Variants in ADD2 observed in about 807,000 individuals in gnomAD.
ADD2 encodes the protein beta-adducin.
In ADD2, 23 loss-of-function variants were observed where a neutral mutation model predicts 83.0. That is an observed-to-expected ratio of 0.28 (90% CI 0.20 to 0.39). ADD2 has a LOEUF of 0.39. Among genes scored for constraint, ADD2 ranks in the 10% least tolerant of loss-of-function variants. The pLI is 1.00. For synonymous variants in ADD2, 375 were observed against 375.4 expected (o/e 1.00, Z 0.01); for missense variants, 758 against 944.9 (o/e 0.80, Z 2.59).
At chr2:70,664,773 G>C (rs1158651559) in intron 15 of ADD2, among the ~76,000 whole-genome samples, 237 of 149,580 alleles carry the variant, frequency 1.6e-3, no homozygotes, top group African/African-American at 5.6e-3. Context: ...GTGCAAGTGT[G>C]AGTGGGCAGG....
chr2:70,714,134 G>A (rs1473431464), intron 1 of ADD2, among the ~76,000 whole-genome samples: 2 of 152,064 alleles, frequency 1.3e-5, no homozygotes, highest in Admixed American at 1.3e-4. Flanking sequence ...TAGGAATCAA[G>A]GTCTTCAAAG....
In ADD2 at chr2:70,768,078, G is replaced by T. The variant is rs1446610812; in HGVS notation, c.-346C>A. The T allele has an allele frequency of 8.4e-7, 1 of 1,194,894 alleles. No homozygotes were observed. The highest frequency in any genetic ancestry group is 1.5e-5 in the African/African-American group (1 of 65,094). The allele number at this position is 1,194,894 out of a possible 1,614,324, so 74.0% of individuals were successfully genotyped here. On this transcript the variant is annotated 5_prime_UTR_variant, in exon 1 of 16. Coordinates refer to ENST00000264436, the MANE Select transcript of ADD2 (RefSeq NM_001617.4). ...CCCAGCAGTGCAGCGGCTCCGCGGC[G>T]GCGGGGATGACTGGCCACCGACGCC...
Position 70,678,948 on chromosome 2 carries a change from C to T in ADD2, c.1139G>A (p.Gly380Asp). 2.5e-6 allele frequency: 4 copies of T among 1,612,394 alleles called. No homozygotes were observed. Among genetic ancestry groups the T allele is most frequent in the Non-Finnish European group, 3.4e-6 (4 of 1,179,214 alleles). The change falls in exon 11 of 16, where the codon GGT (glycine) becomes GAT (aspartate). Residue 380 changes from glycine to aspartate, a missense_variant. Gly to Asp is a moderately conservative substitution (Grantham distance 94). This residue lies in a region of ADD2 where 394 missense variants were observed against 509.3 expected (regional missense o/e 0.77). Transcript: ENST00000264436. The part of the protein sequence containing the change: ...RMLDNLGYRT[G>D]YTYRHPFVQE... The stretch of plus-strand genomic sequence containing the variant: ...AACAAAGGGGTGGCGATACGTGTAA[C>T]CTGTTCTGTAGCCCTATAAAGGACA...
At chr2:70,712,568 C>T (rs1389323279) in intron 2 of ADD2, among the ~76,000 whole-genome samples, 1 of 152,114 alleles carries the variant, frequency 6.6e-6, no homozygotes, top group Non-Finnish European at 1.5e-5. Flanking sequence ...TCTAGCCCCA[C>T]ATCCTGCAGT....
At chr2:70,684,605 G>T (rs1475699150) in intron 9 of ADD2, among the ~76,000 whole-genome samples, 1 of 152,218 alleles carries the variant, frequency 6.6e-6, no homozygotes, top group Non-Finnish European at 1.5e-5. Context: ...CCAAGCCAAT[G>T]AAATTTATTT....
chr2:70,707,705 T>A (rs1174657794), intron 2 of ADD2, among the ~76,000 whole-genome samples: 2 of 152,252 alleles, frequency 1.3e-5, no homozygotes, highest in African/African-American at 4.8e-5. Flanking sequence ...GCATGTACTT[T>A]GGCTGAACAA....
chr2:70,696,502 T>C, intron 4 of ADD2, 106 bp from the exon 5 acceptor site: 2 of 1,449,374 alleles, frequency 1.4e-6, no homozygotes, highest in Non-Finnish European at 1.9e-6. Flanking sequence ...CACAGGAGAC[T>C]TCCCCAGGCA....
Position 70,716,994 on chromosome 2 carries a change from C to T in ADD2, c.-153-3810G>A, listed in dbSNP as rs1326434943. On this transcript the variant is annotated intron_variant, in intron 1 of 15. Coordinates refer to ENST00000264436, the MANE Select transcript of ADD2 (RefSeq NM_001617.4). Reference sequence around the variant, plus strand: ...ACCATGCATCACACACAACAACCTCCTTGGCTCTCCCATGTTCAGCCCTGC... The same window carrying T: ...ACCATGCATCACACACAACAACCTCTTTGGCTCTCCCATGTTCAGCCCTGC... Among the ~76,000 whole-genome samples, 5 of 152,130 alleles carry T rather than the reference C, an allele frequency of 3.3e-5. No individual in the cohort carries two copies. The East Asian group carries it at 9.6e-4, about 29-fold the overall frequency.
At chr2:70,686,076 C>T (rs1553370484) in intron 9 of ADD2, among the ~76,000 whole-genome samples, 1 of 152,224 alleles carries the variant, frequency 6.6e-6, no homozygotes. Flanking sequence ...AGGAAGAAAA[C>T]TTGGCCCACA....
At chr2:70,737,361 G>A (rs1673625647) in intron 1 of ADD2, among the ~76,000 whole-genome samples, 1 of 152,156 alleles carries the variant, frequency 6.6e-6, no homozygotes, top group Non-Finnish European at 1.5e-5. Context: ...TTAAGAAAAT[G>A]TGGCACATAT....
chr2:70,683,700 G>A lies in ADD2; in HGVS notation c.1016C>T (p.Pro339Leu). 6.2e-7 allele frequency: 1 copy of A among 1,614,152 alleles called. No individual in the cohort carries two copies. The highest frequency in any genetic ancestry group is 1.1e-5 in the South Asian group (1 of 91,076). Residue 339 changes from proline (P) to leucine (L), a missense_variant, in exon 10 of 16, where the codon CCC becomes CTC. Pro to Leu is a moderately conservative substitution (Grantham distance 98). Coordinates refer to ENST00000264436, the MANE Select transcript of ADD2 (RefSeq NM_001617.4). ...LILLEQEKHRPHEVGSVQWAG... is the reference protein window; with the variant it reads ...LILLEQEKHRLHEVGSVQWAG... ...CCACTGCACGGAGCCCACCTCATGG[G>A]GCCGGTGCTTCTCCTGCTCCAGGAG... is the stretch of plus-strand genomic sequence containing the variant.
chr2:70,698,959 G>A (rs914279703), intron 4 of ADD2, among the ~76,000 whole-genome samples: 7 of 152,058 alleles, frequency 4.6e-5, no homozygotes, highest in Non-Finnish European at 4.4e-5. Flanking sequence ...ACCTATCTGG[G>A]CTTGAACTCT....
intron 4 of ADD2, 31 bp downstream of exon 4, chr2:70,704,290 T>G: frequency 1.9e-6 from 1 of 538,322 alleles, no homozygotes; most frequent in Non-Finnish European, 3.2e-6. Flanking sequence ...CCTCCACCTC[T>G]GCTCCTGGCA....
chr2:70,745,241 A>T (rs1430409222), intron 1 of ADD2, among the ~76,000 whole-genome samples: 1 of 152,092 alleles, frequency 6.6e-6, no homozygotes, highest in Non-Finnish European at 1.5e-5. Flanking sequence ...GGCCGAGATC[A>T]TGCCACTGCA....
intron 1 of ADD2, among the ~76,000 whole-genome samples, chr2:70,731,554 G>A (rs781963724): frequency 6.6e-6 from 1 of 152,164 alleles, no homozygotes; most frequent in African/African-American, 2.4e-5. Flanking sequence ...CATATCCCCA[G>A]CACCCAGAAT....
In ADD2 at chr2:70,663,335, C is replaced by G. The variant is rs575957236; in HGVS notation, c.*90G>C. ...TGTGGTCCAGGGTCCTACTCTATCC[C>G]TCCTTAGCCCTGTGCTTGCAGGGAC... On this transcript the variant is annotated 3_prime_UTR_variant, in exon 16 of 16. Transcript: ENST00000264436. 7.1e-6 allele frequency: 10 copies of G among 1,416,746 alleles called. No individual in the cohort carries two copies. The South Asian group carries it at 1.3e-4, about 19-fold the overall frequency. The allele number at this position is 1,416,746 out of a possible 1,614,324, so 87.8% of individuals were successfully genotyped here. A position where few individuals can be genotyped will look rare whatever the true frequency, so the allele number is the denominator to read the frequency against.
chr2:70,763,919 G>A (rs998341132), intron 1 of ADD2, among the ~76,000 whole-genome samples: 4 of 150,266 alleles, frequency 2.7e-5, no homozygotes, highest in South Asian at 2.1e-4. Context: ...TTGGAGTCTC[G>A]CTCTGTTGCC....
At chr2:70,762,957 C>T (rs1291011040) in intron 1 of ADD2, among the ~76,000 whole-genome samples, 2 of 151,774 alleles carry the variant, frequency 1.3e-5, no homozygotes, top group East Asian at 1.9e-4. Context: ...CCACCTGCCT[C>T]GGCCTCCCAA....
chr2:70,761,523 A>G (rs1196728494), intron 1 of ADD2, among the ~76,000 whole-genome samples: 2 of 148,210 alleles, frequency 1.3e-5, no homozygotes, highest in African/African-American at 5.0e-5. Context: ...CACAAGAATC[A>G]CTTGAACCCA....
Sources: gnomAD v4.1 joint callset for allele counts (sites outside exome capture counted in the v4.1 genomes callset) on GRCh38, gnomAD v4.1.1 for gene constraint, gnomAD v4.1.1 regional missense constraint, MANE v1.5 for transcripts, NCBI Gene and HGNC (gene_info 2026-07-23, HGNC 2026-07-21) for gene names.